Variants in KHDRBS2 observed in about 807,000 individuals in gnomAD.
KHDRBS2 encodes the protein KH domain-containing, RNA-binding, signal transduction-associated protein 2.
In KHDRBS2, 26 loss-of-function variants were observed where a neutral mutation model predicts 44.3. That is an observed-to-expected ratio of 0.59 (90% CI 0.43 to 0.81). The LOEUF (loss-of-function observed/expected upper bound fraction) is 0.81. Ranked by LOEUF, KHDRBS2 falls within the 40% of genes least tolerant of loss-of-function variation. The pLI is 0.00. For missense variants in KHDRBS2, 476 were observed against 433.1 expected (o/e 1.10, Z -0.88); for synonymous variants, 194 against 151.1 (o/e 1.28, Z -2.08).
intron 3 of KHDRBS2, among the ~76,000 whole-genome samples, chr6:62,000,025 C>A (rs962383133): frequency 1.3e-5 from 2 of 152,068 alleles, no homozygotes; most frequent in African/African-American, 4.8e-5. Context: ...ATCTGCAAGT[C>A]TCTGTTATCA....
At chr6:61,917,125 G>T (rs192270306) in intron 4 of KHDRBS2, among the ~76,000 whole-genome samples, 4 of 151,450 alleles carry the variant, frequency 2.6e-5, no homozygotes, top group Non-Finnish European at 4.4e-5. Context: ...ACTTACATGC[G>T]CACAGTAACC....
intron 3 of KHDRBS2, among the ~76,000 whole-genome samples, chr6:62,043,749 C>T (rs1183538661): frequency 6.6e-6 from 1 of 151,958 alleles, no homozygotes; most frequent in Non-Finnish European, 1.5e-5. Flanking sequence ...CTTGAATCTT[C>T]TTATTAGATA....
intron 1 of KHDRBS2, among the ~76,000 whole-genome samples, chr6:62,199,082 G>A (rs917817623): frequency 1.3e-5 from 2 of 152,030 alleles, no homozygotes; most frequent in African/African-American, 4.8e-5. Flanking sequence ...TTAATGGGAC[G>A]TATTTCAAAA....
At chr6:61,770,414 C>A (rs9345165) in intron 6 of KHDRBS2, among the ~76,000 whole-genome samples, 2 of 151,682 alleles carry the variant, frequency 1.3e-5, no homozygotes, top group Non-Finnish European at 2.9e-5. Context: ...TTCAAACCAA[C>A]GGCAAAGAAG....
chr6:61,617,683 C>G, the KHDRBS2 span, among the ~76,000 whole-genome samples: 3 of 152,068 alleles, frequency 2.0e-5, no homozygotes, highest in Admixed American at 2.0e-4. Flanking sequence ...ATAGCATGTT[C>G]ATAGCATACC....
At chr6:61,567,173 G>A in the KHDRBS2 span, among the ~76,000 whole-genome samples, 160 of 152,258 alleles carry the variant, frequency 1.1e-3, no homozygotes, top group African/African-American at 3.7e-3. Flanking sequence ...TGGATCCCAT[G>A]TTCTTGAGAA....
intron 2 of KHDRBS2, among the ~76,000 whole-genome samples, chr6:62,090,653 GT>G (rs1200613640): frequency 4.6e-5 from 7 of 151,756 alleles, no homozygotes; most frequent in African/African-American, 1.7e-4. Context: ...AAGTGTTTAT[GT>G]GCCAGAGAGA....
At chr6:61,873,472 G>C (rs1798952730) in intron 6 of KHDRBS2, among the ~76,000 whole-genome samples, 1 of 151,658 alleles carries the variant, frequency 6.6e-6, no homozygotes, top group South Asian at 2.1e-4. Flanking sequence ...TGATTAGTTG[G>C]CAAAACGTGG....
chr6:62,204,488 A>C (rs1827610948), intron 1 of KHDRBS2, among the ~76,000 whole-genome samples: 2 of 152,188 alleles, frequency 1.3e-5, no homozygotes, highest in Non-Finnish European at 2.9e-5. Context: ...TTATACTTAA[A>C]GATGAGCATC....
chr6:61,845,464 T>C (rs1166935095), intron 6 of KHDRBS2, among the ~76,000 whole-genome samples: 1 of 152,058 alleles, frequency 6.6e-6, no homozygotes, highest in Non-Finnish European at 1.5e-5. Context: ...TGCATGCCAC[T>C]ACGCCCAGCT....
At chr6:61,598,827 TTTTTC>T in the KHDRBS2 span, among the ~76,000 whole-genome samples, 2 of 62,050 alleles carry the variant, frequency 3.2e-5, no homozygotes, top group African/African-American at 7.6e-5. Context: ...AGAGTGTCCT[TTTTTC>T]TTTTCTTTTT....
At chr6:61,740,712 T>C (rs1776015068) in intron 6 of KHDRBS2, among the ~76,000 whole-genome samples, 1 of 151,898 alleles carries the variant, frequency 6.6e-6, no homozygotes, top group African/African-American at 2.4e-5. Flanking sequence ...GTTGATATAG[T>C]GTAAGGAAAT....
At chr6:62,098,647 C>T (rs535719238) in intron 2 of KHDRBS2, among the ~76,000 whole-genome samples, 28 of 152,256 alleles carry the variant, frequency 1.8e-4, no homozygotes, top group Non-Finnish European at 2.6e-4. Flanking sequence ...TTAATCTAAG[C>T]GGCTTTTGGC....
At chr6:62,237,325 T>C (rs571050867) in intron 1 of KHDRBS2, among the ~76,000 whole-genome samples, 1 of 152,304 alleles carries the variant, frequency 6.6e-6, no homozygotes, top group East Asian at 1.9e-4. Flanking sequence ...ATGCTGTAAG[T>C]GGTCTATTAT....
At chr6:62,196,645 C>G (rs907122955) in intron 1 of KHDRBS2, among the ~76,000 whole-genome samples, 1 of 152,094 alleles carries the variant, frequency 6.6e-6, no homozygotes, top group Non-Finnish European at 1.5e-5. Flanking sequence ...CTGCATATAT[C>G]CACTTCTTGG....
intron 2 of KHDRBS2, among the ~76,000 whole-genome samples, chr6:62,117,390 T>C (rs570797354): frequency 2.0e-5 from 3 of 152,354 alleles, no homozygotes; most frequent in Middle Eastern, 3.4e-3. Flanking sequence ...GTTGACCATT[T>C]GGATATCTTT....
chr6:61,558,382 C>A, the KHDRBS2 span, among the ~76,000 whole-genome samples: 3 of 151,770 alleles, frequency 2.0e-5, no homozygotes, highest in African/African-American at 7.3e-5. Flanking sequence ...AGCAACATGG[C>A]AAAACCCTGT....
chr6:62,281,697 GTTTGTT>G (rs1177998691), intron 1 of KHDRBS2, among the ~76,000 whole-genome samples: 6 of 152,036 alleles, frequency 3.9e-5, no homozygotes, highest in African/African-American at 7.2e-5. Flanking sequence ...TTTTTTGTTT[GTTTGTT>G]TTTGTTTTTG....
At chr6:61,736,301 G>A (rs1317319041) in intron 6 of KHDRBS2, among the ~76,000 whole-genome samples, 1 of 149,726 alleles carries the variant, frequency 6.7e-6, no homozygotes, top group East Asian at 2.0e-4. Flanking sequence ...TATAGTTTAA[G>A]CATCCCATTC....
Sources: allele counts gnomAD v4.1 joint callset (sites outside exome capture counted in the v4.1 genomes callset), GRCh38; gene constraint gnomAD v4.1.1; transcripts MANE v1.5; gene names NCBI Gene and HGNC (gene_info 2026-07-23, HGNC 2026-07-21).